The following CNOT2 variants were observed in gnomAD, a reference collection of about 807,000 sequenced individuals.
CNOT2 encodes CCR4-NOT transcription complex subunit 2.
CNOT2 carries 7 observed loss-of-function variants against 72.1 expected under a neutral mutation model. The ratio of observed to expected loss-of-function variants is 0.10; its 90% CI spans 0.06 to 0.18. The LOEUF is 0.18. Ranked by LOEUF, CNOT2 falls within the 10% of genes least tolerant of loss-of-function variation. The pLI, the probability that CNOT2 is intolerant of heterozygous loss-of-function variation, is 1.00. For missense variants in CNOT2, 345 were observed against 660.3 expected (o/e 0.52, Z 5.23); for synonymous variants, 196 against 225.6 (o/e 0.87, Z 1.17).
intron 2 of CNOT2, among the ~76,000 whole-genome samples, chr12:70,304,391 CCTTT>C (rs1159872174): frequency 6.6e-5 from 10 of 152,096 alleles, no homozygotes; most frequent in Admixed American, 2.0e-4. Context: ...GTGTGGATGT[CCTTT>C]CTGTTTGTTA....
intron 4 of CNOT2, chr12:70,321,825 A>G (rs1878348429): frequency 6.6e-6 from 1 of 150,670 alleles, no homozygotes; most frequent in Non-Finnish European, 1.5e-5. Context: ...ATAGATACAG[A>G]AGTGCTTAAA....
At chr12:70,276,464 C>T (rs1868826309) in intron 1 of CNOT2, among the ~76,000 whole-genome samples, 2 of 151,932 alleles carry the variant, frequency 1.3e-5, no homozygotes, top group African/African-American at 4.8e-5. Context: ...AATGGTAAGG[C>T]ATGTACTACT....
chr12:70,352,907 G>C (rs1261503106), intron 15 of CNOT2, among the ~76,000 whole-genome samples: 1 of 151,882 alleles, frequency 6.6e-6, no homozygotes, highest in Admixed American at 6.6e-5. Context: ...CTGCTATCTA[G>C]TTTTCAAATG....
intron 2 of CNOT2, chr12:70,285,492 A>G (rs12317037): frequency 0.013 from 2,052 of 152,238 alleles, 45 homozygotes; most frequent in African/African-American, 0.046. Flanking sequence ...CTTGGATTAC[A>G]GGCGTGAGCC....
At chr12:70,293,008 A>G (rs904184687) in intron 2 of CNOT2, among the ~76,000 whole-genome samples, 29 of 152,286 alleles carry the variant, frequency 1.9e-4, no homozygotes, top group African/African-American at 7.0e-4. Flanking sequence ...ACCTTCAATA[A>G]TATCTATTTA....
At chr12:70,340,026 C>T (rs1881280522) in intron 11 of CNOT2, among the ~76,000 whole-genome samples, 1 of 152,152 alleles carries the variant, frequency 6.6e-6, no homozygotes, top group Admixed American at 6.5e-5. Context: ...TTCCTTTGAT[C>T]CAACCTCCTC....
chr12:70,282,703 C>T (rs1219208634), intron 2 of CNOT2, among the ~76,000 whole-genome samples: 1 of 152,144 alleles, frequency 6.6e-6, no homozygotes, highest in East Asian at 1.9e-4. Context: ...CTGCCCTCTT[C>T]CCCAGAAGTA....
rs569195970 is a variant in CNOT2 at position 70,350,003 on chromosome 12, A to AT, written c.1536+3690dup. On this transcript the variant is annotated intron_variant, in intron 15 of 15. Transcript: ENST00000229195. ...AGCCCAGGTGACAGAGCCAGATCCT[A>AT]TTTTTTTTTTTAATTTAACATTGTA... 2.0e-3 allele frequency among the ~76,000 whole-genome samples: 284 copies of AT among 145,268 alleles called. 1 individual carries two copies. The highest frequency in any genetic ancestry group is 6.3e-3 in the African/African-American group (250 of 39,650).
chr12:70,337,344 T>A, intron 8 of CNOT2, 45 bp from the exon 9 acceptor site: 1 of 1,534,720 alleles, frequency 6.5e-7, no homozygotes, highest in Non-Finnish European at 9.0e-7. Context: ...TAGCAAAATA[T>A]CATAAATATC....
chr12:70,267,789 A>G (rs1959123488), intron 1 of CNOT2, among the ~76,000 whole-genome samples: 1 of 152,256 alleles, frequency 6.6e-6, no homozygotes, highest in African/African-American at 2.4e-5. Flanking sequence ...TATCACAGGG[A>G]TTGCAAACTA....
chr12:70,243,683 G>T (rs888151419), intron 1 of CNOT2: 3 of 151,510 alleles, frequency 2.0e-5, no homozygotes, highest in South Asian at 2.1e-4. Flanking sequence ...GGCGGGGAGG[G>T]GGGTGGCGGC....
intron 1 of CNOT2, among the ~76,000 whole-genome samples, chr12:70,273,906 C>T (rs1342401615): frequency 6.6e-6 from 1 of 152,056 alleles, no homozygotes; most frequent in African/African-American, 2.4e-5. Context: ...ACACATACAA[C>T]ATTGTTATAA....
intron 2 of CNOT2, among the ~76,000 whole-genome samples, chr12:70,296,773 A>T (rs1011023629): frequency 7.6e-6 from 1 of 132,212 alleles, no homozygotes; most frequent in Non-Finnish European, 1.6e-5. Flanking sequence ...CCCCCTTTTT[A>T]AATTGTTTTT....
At chr12:70,273,448 A>G (rs1432514912) in intron 1 of CNOT2, among the ~76,000 whole-genome samples, 1 of 152,132 alleles carries the variant, frequency 6.6e-6, no homozygotes, top group Non-Finnish European at 1.5e-5. Context: ...CCTTCTCTAA[A>G]CCATGAACTA....
chr12:70,338,643 G>C, intron 10 of CNOT2, 23 bp from the exon 11 acceptor site: 1 of 1,596,698 alleles, frequency 6.3e-7, no homozygotes, highest in South Asian at 1.1e-5. Context: ...GAAAATAAAA[G>C]CAACTGTGTT....
At chr12:70,297,750 AT>A in intron 2 of CNOT2, 1 of 373,266 alleles carries the variant, frequency 2.7e-6, no homozygotes, top group Non-Finnish European at 5.2e-6. Flanking sequence ...TTTTGTTTTC[AT>A]TTTTGAGACG....
chr12:70,271,417 A>G (rs1324795073), intron 1 of CNOT2, among the ~76,000 whole-genome samples: 4 of 120,622 alleles, frequency 3.3e-5, no homozygotes, highest in Admixed American at 1.1e-4. Context: ...TTTCTTGCCC[A>G]GGCTGGAGTG....
intron 2 of CNOT2, among the ~76,000 whole-genome samples, chr12:70,283,883 A>G (rs966250004): frequency 1.3e-5 from 2 of 151,390 alleles, no homozygotes; most frequent in Non-Finnish European, 2.9e-5. Context: ...TGTTCATGTC[A>G]TGATCACATG....
intron 1 of CNOT2, among the ~76,000 whole-genome samples, chr12:70,257,779 G>A (rs1958534134): frequency 6.6e-6 from 1 of 152,132 alleles, no homozygotes; most frequent in Non-Finnish European, 1.5e-5. Flanking sequence ...GTAGGGACAA[G>A]TTCAGTCTAG....
Sources: gnomAD v4.1 joint callset for allele counts (sites outside exome capture counted in the v4.1 genomes callset) on GRCh38, gnomAD v4.1.1 for gene constraint, MANE v1.5 for transcripts, NCBI Gene and HGNC (gene_info 2026-07-23, HGNC 2026-07-21) for gene names.